Variants in AGAP1 observed in about 807,000 individuals in gnomAD.
AGAP1 encodes ArfGAP with GTPase domain, ankyrin repeat and PH domain 1, also known as arf-GAP with GTPase, ANK repeat and PH domain-containing protein 1.
Under a neutral mutation model 105.3 loss-of-function variants are expected in AGAP1, and 29 were observed. The observed-to-expected ratio is 0.28, with a 90% CI of 0.21 to 0.38. AGAP1 has a LOEUF of 0.38. Ranked by LOEUF, AGAP1 falls within the 10% of genes least tolerant of loss-of-function variation. The pLI is 1.00. For missense variants in AGAP1, 998 were observed against 1,165.1 expected (o/e 0.86, Z 2.09); for synonymous variants, 509 against 485.9 (o/e 1.05, Z -0.63).
At chr2:235,687,531 G>A (rs942898985) in intron 1 of AGAP1, among the ~76,000 whole-genome samples, 1 of 152,144 alleles carries the variant, frequency 6.6e-6, no homozygotes, top group Non-Finnish European at 1.5e-5. Flanking sequence ...TTCATTTTAG[G>A]TGAGTTTCCA....
At chr2:235,632,599 G>T (rs1343201220) in intron 1 of AGAP1, among the ~76,000 whole-genome samples, 4 of 152,162 alleles carry the variant, frequency 2.6e-5, no homozygotes, top group Admixed American at 1.3e-4. Flanking sequence ...CTGAAATCGG[G>T]CTGGGGTCTT....
In AGAP1 at chr2:235,801,842, G is replaced by A. The variant is rs1957510698; in HGVS notation, c.957+2320G>A. Among the ~76,000 whole-genome samples, 1 of 152,090 alleles carries A rather than the reference G, an allele frequency of 6.6e-6. No homozygotes were observed. The highest frequency in any genetic ancestry group is 2.1e-4 in the South Asian group (1 of 4,810). On this transcript the variant is annotated intron_variant, in intron 8 of 17. Coordinates refer to ENST00000304032, the MANE Select transcript of AGAP1 (RefSeq NM_001037131.3). The surrounding 1 kb of genome is among the most constrained non-coding windows in gnomAD (Gnocchi z 6.0). ...ACGCCTTCTGAGGGCCACATTTTCT[G>A]CTTGTTGACTTTGCTTTCTCTTTTA...
At chr2:235,547,281 ACTT>A (rs914186212) in intron 1 of AGAP1, among the ~76,000 whole-genome samples, 4 of 151,736 alleles carry the variant, frequency 2.6e-5, no homozygotes, top group Admixed American at 2.0e-4. Flanking sequence ...GCAAGTCTCT[ACTT>A]CTTTTTAAAT....
rs750016371 is a variant in AGAP1 at position 235,582,275 on chromosome 2, C to T, written c.163+87426C>T. ...TCCAGGAGTGTGCTGAGTCTTTCTA[C>T]CCCGCTGCGTGGTGCTGCCTGCCGA... On this transcript the variant is annotated intron_variant, in intron 1 of 17. Transcript: ENST00000304032. This position sits in a 1 kb window ranked among gnomAD's most constrained non-coding sequence, Gnocchi z 4.7. Among the ~76,000 whole-genome samples, 3 of 152,148 alleles carry T rather than the reference C, an allele frequency of 2.0e-5. No individual in the cohort carries two copies. Among genetic ancestry groups the T allele is most frequent in the Non-Finnish European group, 2.9e-5 (2 of 68,022 alleles).
rs183774621 is a variant in AGAP1 at position 235,776,351 on chromosome 2, G to A, written c.674-21408G>A. Among the ~76,000 whole-genome samples the A allele has an allele frequency of 2.6e-3, 395 of 152,272 alleles. 3 individuals are homozygous for A. Among genetic ancestry groups the A allele is most frequent in the South Asian group, 3.7e-3 (18 of 4,826 alleles). ...AGTCCAGGCCTCCTCCTCAGTCACT[G>A]AGACTGCTTTGTCAGCCTCCTGCTT... On this transcript the variant is annotated intron_variant, in intron 6 of 17. Coordinates refer to ENST00000304032, the MANE Select transcript of AGAP1 (RefSeq NM_001037131.3).
chr2:236,047,159 C>A (rs572996594), intron 15 of AGAP1, among the ~76,000 whole-genome samples: 1 of 152,250 alleles, frequency 6.6e-6, no homozygotes, highest in East Asian at 1.9e-4. Context: ...CAGTGGCCAG[C>A]CCACAAGAGG....
At chr2:235,498,051 G>C (rs1006988889) in intron 1 of AGAP1, among the ~76,000 whole-genome samples, 2 of 152,032 alleles carry the variant, frequency 1.3e-5, no homozygotes, top group Non-Finnish European at 2.9e-5. Flanking sequence ...TTGTCCAGGG[G>C]AAGGATGTTT....
chr2:235,688,960 A>G (rs1949605380), intron 1 of AGAP1, among the ~76,000 whole-genome samples: 1 of 152,210 alleles, frequency 6.6e-6, no homozygotes, highest in African/African-American at 2.4e-5. Flanking sequence ...ACGTTCGCCA[A>G]GCTGGGTACT....
In AGAP1 at chr2:235,839,637, G is replaced by A. The variant is rs144306496; in HGVS notation, c.1050+32306G>A. On this transcript the variant is annotated intron_variant, in intron 9 of 17. Transcript: ENST00000304032. The stretch of plus-strand genomic sequence containing the variant: ...AGCCAGACTCTAGGCTTTGGGAAGG[G>A]GCTTTCCTGGGGAGGGCAGATTTGT... Among the ~76,000 whole-genome samples the A allele has an allele frequency of 6.8e-4, 104 of 152,230 alleles. 1 individual carries two copies. The East Asian group carries it at 0.016, about 24-fold the overall frequency.
At position 235,664,556 on chromosome 2, in the gene AGAP1, C is replaced by T. The variant is rs1315995244; in HGVS notation, c.164-44623C>T. On this transcript the variant is annotated intron_variant, in intron 1 of 17. Coordinates refer to ENST00000304032, the MANE Select transcript of AGAP1 (RefSeq NM_001037131.3). This position sits in a 1 kb window ranked among gnomAD's most constrained non-coding sequence, Gnocchi z 5.7. ...TAAGTCACCTTTGCCTGACACTTAGCAAGAAAAACTACCAAGAAATATCTA... is the reference window on the plus strand; with the variant it reads ...TAAGTCACCTTTGCCTGACACTTAGTAAGAAAAACTACCAAGAAATATCTA... Among the ~76,000 whole-genome samples the T allele has an allele frequency of 6.6e-6, 1 of 152,136 alleles. No homozygotes were observed. Among genetic ancestry groups the T allele is most frequent in the African/African-American group, 2.4e-5 (1 of 41,432 alleles).
In AGAP1 at chr2:235,875,445, G is replaced by T. The variant is rs1173048493; in HGVS notation, c.1051-7900G>T. Among the ~76,000 whole-genome samples the T allele has an allele frequency of 6.6e-6, 1 of 152,204 alleles. No homozygotes were observed. The highest frequency in any genetic ancestry group is 1.5e-5 in the Non-Finnish European group (1 of 68,036). On this transcript the variant is annotated intron_variant, in intron 9 of 17. Coordinates refer to ENST00000304032, the MANE Select transcript of AGAP1 (RefSeq NM_001037131.3). This position sits in a 1 kb window ranked among gnomAD's most constrained non-coding sequence, Gnocchi z 4.0. The stretch of plus-strand genomic sequence containing the variant: ...CTCACTCGATGATTGTCAGGGCTGA[G>T]AACCCAGCACAGGTCTGTGATGCCC...
At chr2:235,768,981 G>A (rs1955204841) in intron 6 of AGAP1, among the ~76,000 whole-genome samples, 1 of 152,180 alleles carries the variant, frequency 6.6e-6, no homozygotes, top group Admixed American at 6.5e-5. Flanking sequence ...ACAGACCTTA[G>A]CAAATATTCC....
Position 235,911,810 on chromosome 2 carries a change from G to T in AGAP1, c.1324+2904G>T, listed in dbSNP as rs1045330856. On this transcript the variant is annotated intron_variant, in intron 11 of 17. Coordinates refer to ENST00000304032, the MANE Select transcript of AGAP1 (RefSeq NM_001037131.3). ...CCTCAGTGTGTAACAGGACATCTCC[G>T]CAACCCTCAAACAGGTTAATCCCAC... is the stretch of plus-strand genomic sequence containing the variant. Among the ~76,000 whole-genome samples, 8 of 152,184 alleles carry T rather than the reference G, an allele frequency of 5.3e-5. No individual in the cohort carries two copies. In the South Asian group the frequency reaches 6.2e-4, roughly 12 times the overall value.
intron 3 of AGAP1, among the ~76,000 whole-genome samples, chr2:235,726,513 C>T (rs533971369): frequency 4.6e-5 from 7 of 152,280 alleles, no homozygotes; most frequent in Non-Finnish European, 7.3e-5. Flanking sequence ...CTGTTTATTG[C>T]GGATTAACAG....
chr2:235,511,055 T>C (rs1295760465), intron 1 of AGAP1, among the ~76,000 whole-genome samples: 1 of 152,092 alleles, frequency 6.6e-6, no homozygotes, highest in Non-Finnish European at 1.5e-5. Context: ...CATTTGGCCA[T>C]GTCTGGGGCA....
At chr2:235,573,331 G>A (rs1362668002) in intron 1 of AGAP1, among the ~76,000 whole-genome samples, 1 of 151,670 alleles carries the variant, frequency 6.6e-6, no homozygotes, top group Non-Finnish European at 1.5e-5. Context: ...GTGATCCTTA[G>A]CCCCTCAAAG....
At position 235,877,610 on chromosome 2, in the gene AGAP1, G is replaced by A. The variant is rs1466237830; in HGVS notation, c.1051-5735G>A. 1.3e-5 allele frequency among the ~76,000 whole-genome samples: 2 copies of A among 152,186 alleles called. No homozygotes were observed. The highest frequency in any genetic ancestry group is 6.5e-5 in the Admixed American group (1 of 15,280). On this transcript the variant is annotated intron_variant, in intron 9 of 17. Transcript: ENST00000304032. This position sits in a 1 kb window ranked among gnomAD's most constrained non-coding sequence, Gnocchi z 4.3. Reference sequence around the variant, plus strand: ...CCCCTTAGCACCACTCATGACCTAGGAAGTCGGAGATGCCAACTCGGGCAG... The same window carrying A: ...CCCCTTAGCACCACTCATGACCTAGAAAGTCGGAGATGCCAACTCGGGCAG...
chr2:236,091,216 A>G (rs1351814639), intron 16 of AGAP1, among the ~76,000 whole-genome samples: 1 of 152,202 alleles, frequency 6.6e-6, no homozygotes. Context: ...CTGTGCAGCA[A>G]CTTTGGAGGG....
rs1394801992 is a variant in AGAP1 at position 235,879,846 on chromosome 2, A to G, written c.1051-3499A>G. Among the ~76,000 whole-genome samples the G allele has an allele frequency of 6.6e-6, 1 of 152,158 alleles. No homozygotes were observed. Among genetic ancestry groups the G allele is most frequent in the African/African-American group, 2.4e-5 (1 of 41,422 alleles). ...ACTCGGAGGAGGCTGGCGCAGGAGA[A>G]TTGCTTGAGCTGGAAAGTTCAAGGT... On this transcript the variant is annotated intron_variant, in intron 9 of 17. Transcript: ENST00000304032. This position sits in a 1 kb window ranked among gnomAD's most constrained non-coding sequence, Gnocchi z 5.0.
Sources: allele counts gnomAD v4.1 joint callset (sites outside exome capture counted in the v4.1 genomes callset), GRCh38; gene constraint gnomAD v4.1.1; non-coding constraint Gnocchi (gnomAD v3.1); transcripts MANE v1.5; gene names NCBI Gene and HGNC (gene_info 2026-07-23, HGNC 2026-07-21).